CDH18: variants seen among roughly 807,000 people sequenced by gnomAD.
The protein encoded by CDH18 is cadherin 18, also known as cadherin-18.
A neutral mutation model predicts 67.9 loss-of-function variants in CDH18; 31 were observed. The observed-to-expected ratio is 0.46, with a 90% CI of 0.34 to 0.62. The LOEUF (loss-of-function observed/expected upper bound fraction) is 0.62. CDH18 is among the 20% of genes least tolerant of loss of function. The probability of loss-of-function intolerance (pLI) is 0.01; values close to 1 mark genes in which losing one functional copy is unlikely to be tolerated. For missense variants in CDH18, 890 were observed against 975.5 expected, an observed-to-expected ratio of 0.91 and a Z score of 1.17; for synonymous variants, 362 against 347.2, an observed-to-expected ratio of 1.04 and a Z score of -0.48.
At chr5:20,057,305 T>C (rs1326912767) in intron 2 of CDH18, among the ~76,000 whole-genome samples, 1 of 152,168 alleles carries the variant, frequency 6.6e-6, no homozygotes, top group South Asian at 2.1e-4. Flanking sequence ...TTTTGACCTT[T>C]GAAAATATTC....
chr5:19,927,054 G>A (rs947200263), intron 2 of CDH18, among the ~76,000 whole-genome samples: 2 of 152,010 alleles, frequency 1.3e-5, no homozygotes, highest in Admixed American at 6.6e-5. Flanking sequence ...TGACAGTGTC[G>A]AGAATTTTTA....
chr5:20,006,179 A>T (rs1458776606), intron 2 of CDH18, among the ~76,000 whole-genome samples: 1 of 151,876 alleles, frequency 6.6e-6, no homozygotes, highest in Non-Finnish European at 1.5e-5. Context: ...TTGATTGGAG[A>T]AATCAAAGAG....
Position 19,629,873 on chromosome 5 carries a change from GA to G in CDH18, c.644-17273del, listed in dbSNP as rs561466054. 2.0e-3 allele frequency among the ~76,000 whole-genome samples: 310 copies of G among 152,092 alleles called. 1 individual carries two copies. The Middle Eastern group carries it at 0.024, about 12-fold the overall frequency. On this transcript the variant is annotated intron_variant, in intron 5 of 12. Coordinates refer to ENST00000382275, the MANE Select transcript of CDH18 (RefSeq NM_004934.5). The stretch of plus-strand genomic sequence containing the variant: ...ATAGACAACATATCACAAAAGTGAA[GA>G]AAAAAATTTGTAGAAGAAAATTAAT...
At chr5:19,943,393 T>A (rs1445207884) in intron 2 of CDH18, among the ~76,000 whole-genome samples, 1 of 152,074 alleles carries the variant, frequency 6.6e-6, no homozygotes, top group Non-Finnish European at 1.5e-5. Flanking sequence ...AATGTAATAT[T>A]TCAAGGAGAT....
chr5:20,223,593 C>T (rs140621721), intron 2 of CDH18, among the ~76,000 whole-genome samples: 171 of 152,156 alleles, frequency 1.1e-3, no homozygotes, highest in Non-Finnish European at 1.9e-3. Context: ...TGGCTGTGTT[C>T]CCACCCAAAA....
intron 5 of CDH18, among the ~76,000 whole-genome samples, chr5:19,711,891 A>C (rs1355186290): frequency 6.6e-6 from 1 of 152,158 alleles, no homozygotes; most frequent in East Asian, 1.9e-4. Flanking sequence ...AACTATTCAC[A>C]ATAGCAAATA....
chr5:19,819,659 C>T (rs1462148349), intron 3 of CDH18, among the ~76,000 whole-genome samples: 2 of 152,080 alleles, frequency 1.3e-5, no homozygotes, highest in Non-Finnish European at 2.9e-5. Flanking sequence ...AGGGGAACTT[C>T]CCAGAGAGGA....
At chr5:19,783,635 T>C (rs1281409939) in intron 3 of CDH18, among the ~76,000 whole-genome samples, 2 of 152,166 alleles carry the variant, frequency 1.3e-5, no homozygotes, top group African/African-American at 4.8e-5. Context: ...ATGTGGTTTG[T>C]AGTTTCTACC....
chr5:20,500,857 A>G (rs1370251805), intron 1 of CDH18, among the ~76,000 whole-genome samples: 1 of 152,228 alleles, frequency 6.6e-6, no homozygotes, highest in Non-Finnish European at 1.5e-5. Context: ...GTTTGATTGT[A>G]TAACATTGAA....
chr5:20,545,563 C>A (rs1703034), intron 1 of CDH18, among the ~76,000 whole-genome samples: 106,886 of 152,102 alleles, frequency 0.7, 37,920 homozygotes, highest in East Asian at 0.98. Flanking sequence ...GGTCTGAAGC[C>A]ATAGACCAAG....
At chr5:20,342,452 T>C (rs552303404) in intron 1 of CDH18, among the ~76,000 whole-genome samples, 2 of 152,236 alleles carry the variant, frequency 1.3e-5, no homozygotes, top group Admixed American at 1.3e-4. Context: ...CAAGTTAATA[T>C]TGATTCTCTT....
intron 1 of CDH18, among the ~76,000 whole-genome samples, chr5:20,374,436 C>T (rs532939416): frequency 1.3e-5 from 2 of 152,254 alleles, no homozygotes; most frequent in South Asian, 2.1e-4. Flanking sequence ...TAGGTCTCTA[C>T]AGTAAGAGTT....
At chr5:20,244,773 G>A (rs1234241841) in intron 2 of CDH18, among the ~76,000 whole-genome samples, 1 of 152,048 alleles carries the variant, frequency 6.6e-6, no homozygotes, top group African/African-American at 2.4e-5. Flanking sequence ...GTTGTTGCTT[G>A]TAATGTCTTT....
rs961660099 is a variant in CDH18 at position 20,573,349 on chromosome 5, C to T, written c.-580+2113G>A. ...AACACACACAATACTATTAGAATTA[C>T]GTTTTTTTTTAATTGCATATAAGCC... On this transcript the variant is annotated intron_variant, in intron 1 of 14. Transcript: ENST00000507958. Among the ~76,000 whole-genome samples the T allele has an allele frequency of 4.0e-5, 6 of 151,564 alleles. No individual in the cohort carries two copies. In the East Asian group the frequency reaches 7.8e-4, roughly 20 times the overall value.
At chr5:20,295,327 A>G (rs777134285) in intron 1 of CDH18, among the ~76,000 whole-genome samples, 2 of 152,194 alleles carry the variant, frequency 1.3e-5, no homozygotes, top group South Asian at 2.1e-4. Flanking sequence ...TCAACCGGAC[A>G]AATTTTGATA....
At chr5:20,493,950 A>AAC (rs1753747245) in intron 1 of CDH18, among the ~76,000 whole-genome samples, 3 of 141,458 alleles carry the variant, frequency 2.1e-5, no homozygotes, top group African/African-American at 8.2e-5. Context: ...CAAAAACAGC[A>AAC]AAAAAAAAAC....
chr5:19,942,572 G>T (rs1321419682), intron 2 of CDH18, among the ~76,000 whole-genome samples: 1 of 152,122 alleles, frequency 6.6e-6, no homozygotes, highest in Non-Finnish European at 1.5e-5. Context: ...TTTTCAATCT[G>T]CCATTTTTAC....
intron 2 of CDH18, among the ~76,000 whole-genome samples, chr5:20,162,108 C>G (rs190719645): frequency 2.0e-5 from 3 of 152,158 alleles, no homozygotes; most frequent in Non-Finnish European, 4.4e-5. Flanking sequence ...ATTTCACACT[C>G]TGAGACAGTC....
At chr5:20,311,632 C>T (rs1446338837) in intron 1 of CDH18, among the ~76,000 whole-genome samples, 1 of 152,056 alleles carries the variant, frequency 6.6e-6, no homozygotes, top group Non-Finnish European at 1.5e-5. Flanking sequence ...ACATCACACA[C>T]TGGGCCTGTC....
Sources: allele counts gnomAD v4.1 joint callset (sites outside exome capture counted in the v4.1 genomes callset), GRCh38; gene constraint gnomAD v4.1.1; transcripts MANE v1.5; gene names NCBI Gene and HGNC (gene_info 2026-07-23, HGNC 2026-07-21).